The following BBIP1 variants were observed in gnomAD, a reference collection of about 807,000 sequenced individuals.
The protein encoded by BBIP1 is BBSome-interacting protein 1.
BBIP1 carries 6 observed loss-of-function variants against 8.9 expected under a neutral mutation model. The observed-to-expected ratio is 0.67, with a 90% CI of 0.37 to 1.33. The LOEUF (loss-of-function observed/expected upper bound fraction) is 1.33, where lower values mean the gene tolerates loss of function less well. Ranked by LOEUF, BBIP1 falls within the 40% of genes most tolerant of loss-of-function variation. The pLI, the probability that BBIP1 is intolerant of heterozygous loss-of-function variation, is 0.02. For synonymous variants in BBIP1, 32 were observed against 33.4 expected, an observed-to-expected ratio of 0.96 and a Z score of 0.14; for missense variants, 111 against 109.2, an observed-to-expected ratio of 1.02 and a Z score of -0.07.
intron 2 of BBIP1, among the ~76,000 whole-genome samples, chr10:110,912,420 A>G (rs1170433037): frequency 6.6e-6 from 1 of 152,200 alleles, no homozygotes; most frequent in Non-Finnish European, 1.5e-5. Context: ...ATGACAGCTT[A>G]TATCACAACT....
In BBIP1 at chr10:110,901,579, G is replaced by A. The variant is rs1419896726; in HGVS notation, c.71C>T (p.Ala24Val). Residue 24 changes from alanine (A) to valine (V), a missense_variant, in exon 3 of 4, where the codon GCA becomes GTA. Coordinates refer to ENST00000448814, the MANE Select transcript of BBIP1 (RefSeq NM_001195305.3). ...TTCCCGGAACATTGACTTCACTTCT[G>A]CCATATCTGAGTTGTTGGATATAGT... ...KNTISNNSDM[A>V]EVKSMFREVL... 25 of 1,535,402 alleles carry A rather than the reference G, an allele frequency of 1.6e-5. No homozygotes were observed. The highest frequency in any genetic ancestry group is 2.0e-5 in the Admixed American group (1 of 50,974).
chr10:110,911,766 G>GC (rs1178085882), intron 2 of BBIP1: 1 of 152,052 alleles, frequency 6.6e-6, no homozygotes, highest in Non-Finnish European at 1.5e-5. Flanking sequence ...TTACTCAAAG[G>GC]CAAGGTCTCT....
At chr10:110,901,799 A>G (rs1043434202) in intron 2 of BBIP1, 187 bp from the exon 3 acceptor site, 9 of 571,728 alleles carry the variant, frequency 1.6e-5, no homozygotes, top group African/African-American at 9.4e-5. Context: ...GATCTTGTCA[A>G]CTTCCATTAG....
At chr10:110,917,194 A>ATTTTTTTTTTT (rs67066048) in intron 2 of BBIP1, among the ~76,000 whole-genome samples, 2 of 107,970 alleles carry the variant, frequency 1.9e-5, no homozygotes, top group Non-Finnish European at 3.6e-5. Context: ...CTGGATCCTG[A>ATTTTTTTTTTT]TTTTTTTTTT....
intron 2 of BBIP1, among the ~76,000 whole-genome samples, chr10:110,915,738 C>G (rs1000950881): frequency 2.6e-5 from 4 of 151,998 alleles, no homozygotes; most frequent in African/African-American, 9.7e-5. Flanking sequence ...GGGTCTCGCT[C>G]TGTTGCCCAG....
chr10:110,907,560 A>T, intron 2 of BBIP1: 1 of 482,458 alleles, frequency 2.1e-6, no homozygotes, highest in Non-Finnish European at 3.6e-6. Flanking sequence ...ATGGTGAAAG[A>T]GGAGACAGGA....
intron 3 of BBIP1, chr10:110,901,147 C>G (rs1443439183): frequency 2.2e-6 from 1 of 454,984 alleles, no homozygotes; most frequent in East Asian, 7.0e-5. Flanking sequence ...ACAAATTAGC[C>G]AGGCATGGTA....
At position 110,914,035 on chromosome 10, in the gene BBIP1, C is replaced by T. The variant is rs146873353; in HGVS notation, c.37+4086G>A. Among the ~76,000 whole-genome samples the T allele has an allele frequency of 1.6e-3, 241 of 152,302 alleles. 3 individuals are homozygous for T. The highest frequency in any genetic ancestry group is 5.7e-3 in the African/African-American group (237 of 41,552). ...GGAAGTGATGCTTCACTTAGGTAAG[C>T]ACATGCTCTGGAATTCTCCAGTCCT... On this transcript the variant is annotated intron_variant, in intron 2 of 3. Transcript: ENST00000448814.
chr10:110,902,225 C>T (rs1036201829), intron 2 of BBIP1: 1 of 153,068 alleles, frequency 6.5e-6, no homozygotes, highest in African/African-American at 2.4e-5. Context: ...TTACTATTTT[C>T]CTCTAATACC....
rs953785133 is a variant in BBIP1, at chr10:110,898,778, AAACTTT to A, written c.*1576_*1581del. 2.0e-5 allele frequency: 3 copies of A among 152,622 alleles called. No individual in the cohort carries two copies. Among genetic ancestry groups the A allele is most frequent in the African/African-American group, 7.2e-5 (3 of 41,458 alleles). 9.5% of individuals were successfully genotyped at this position (152,622 alleles called of 1,614,324 possible). Reference sequence around the variant, plus strand: ...GGGAGTACATTTTTTTAGGTCTCTTAAACTTTAATTTCACACAGTAAATTTTGAATC... The same window carrying A: ...GGGAGTACATTTTTTTAGGTCTCTTAAATTTCACACAGTAAATTTTGAATC... On this transcript the variant is annotated 3_prime_UTR_variant, in exon 4 of 4. Transcript: ENST00000448814.
chr10:110,918,254 AAAGC>A (rs1282234117), intron 1 of BBIP1, 41 bp from the exon 2 acceptor site: 8 of 1,040,986 alleles, frequency 7.7e-6, no homozygotes, highest in Non-Finnish European at 1.1e-5. Flanking sequence ...GGGCCATATA[AAAGC>A]AATACAGTAT....
chr10:110,910,369 C>T (rs1846247428), intron 2 of BBIP1, among the ~76,000 whole-genome samples: 1 of 152,212 alleles, frequency 6.6e-6, no homozygotes, highest in Non-Finnish European at 1.5e-5. Context: ...CCAGTTCACA[C>T]TCAGTCTGCA....
chr10:110,907,856 A>G (rs1253906365), intron 2 of BBIP1: 1 of 677,464 alleles, frequency 1.5e-6, no homozygotes, highest in Admixed American at 2.3e-5. Flanking sequence ...AAAAAAGTTA[A>G]ATTTTCTTTT....
At position 110,899,822 on chromosome 10, in the gene BBIP1, GAC is replaced by G. The variant is rs1845941141; in HGVS notation, c.*536_*537del. Reference sequence around the variant, plus strand: ...AAAAAAAAAAAAAAATGAGGTTTAAGACAGTTTTGTCATTACTGGTGGGATCT... The same window carrying G: ...AAAAAAAAAAAAAAATGAGGTTTAAGAGTTTTGTCATTACTGGTGGGATCT... On this transcript the variant is annotated 3_prime_UTR_variant, in exon 4 of 4. Transcript: ENST00000448814. The G allele has an allele frequency of 6.6e-6, 1 of 150,648 alleles. No individual in the cohort carries two copies. The allele number at this position is 150,648 out of a possible 1,614,324, so 9.3% of individuals were successfully genotyped here.
At chr10:110,912,212 T>C (rs1846296473) in intron 2 of BBIP1, 1 of 151,560 alleles carries the variant, frequency 6.6e-6, no homozygotes, top group Non-Finnish European at 1.5e-5. Flanking sequence ...CCAGTTGTCA[T>C]GTTTGATGCC....
At chr10:110,901,829 C>T (rs540817542) in intron 2 of BBIP1, 1 of 521,422 alleles carries the variant, frequency 1.9e-6, no homozygotes, top group South Asian at 2.2e-5. Flanking sequence ...GTGTTAACTA[C>T]AAGGCTAGGT....
chr10:110,907,758 T>A, intron 2 of BBIP1: 1 of 702,652 alleles, frequency 1.4e-6, no homozygotes, highest in Admixed American at 2.0e-5. Context: ...GGATGGTGAT[T>A]GATACAATAA....
chr10:110,901,254 C>A, intron 3 of BBIP1: 1 of 417,104 alleles, frequency 2.4e-6, no homozygotes, highest in Admixed American at 3.6e-5. Flanking sequence ...GTACCCAAGC[C>A]TGGGTGGCAG....
intron 2 of BBIP1, among the ~76,000 whole-genome samples, chr10:110,905,379 G>A (rs1357343072): frequency 6.6e-6 from 1 of 152,046 alleles, no homozygotes; most frequent in African/African-American, 2.4e-5. Flanking sequence ...TGGCTAACAT[G>A]GTGAAACCCC....
Sources: gnomAD v4.1 joint callset for allele counts (sites outside exome capture counted in the v4.1 genomes callset) on GRCh38, gnomAD v4.1.1 for gene constraint, MANE v1.5 for transcripts, NCBI Gene and HGNC (gene_info 2026-07-23, HGNC 2026-07-21) for gene names.